The following MAP3K19 variants were observed in gnomAD, a reference collection of about 807,000 sequenced individuals.
MAP3K19 encodes SPS1/STE20-related protein kinase YSK4.
MAP3K19 carries 91 observed loss-of-function variants against 114.4 expected under a neutral mutation model. That is an observed-to-expected ratio of 0.80 (90% CI 0.67 to 0.95). The LOEUF (loss-of-function observed/expected upper bound fraction) is 0.95. MAP3K19 is among the 40% of genes least tolerant of loss of function. The probability of loss-of-function intolerance (pLI) is 0.00; values close to 1 mark genes in which losing one functional copy is unlikely to be tolerated. For missense variants in MAP3K19, 1,471 were observed against 1,573.2 expected (o/e 0.94, Z 1.10); for synonymous variants, 518 against 530.5 (o/e 0.98, Z 0.32).
chr2:134,989,413 C>A (rs572954862), intron 9 of MAP3K19, among the ~76,000 whole-genome samples: 1 of 152,236 alleles, frequency 6.6e-6, no homozygotes, highest in East Asian at 1.9e-4. Flanking sequence ...GGAAATGGAA[C>A]CTGACTCTAG....
Position 135,032,281 on chromosome 2 carries a change from C to T in MAP3K19, c.-283-1781G>A, listed in dbSNP as rs186889847. ...CTGAGGCAGGAGAATTGCTTGAAAC[C>T]AGGGGGCAGAGGTTGCAATGAGCTG... On this transcript the variant is annotated intron_variant, in intron 2 of 12. Transcript: ENST00000392915. 4.7e-5 allele frequency among the ~76,000 whole-genome samples: 7 copies of T among 150,132 alleles called. No individual in the cohort carries two copies. In the East Asian group the frequency reaches 1.4e-3, roughly 29 times the overall value.
chr2:135,019,583 T>G (rs755392757), intron 5 of MAP3K19, among the ~76,000 whole-genome samples: 2 of 152,184 alleles, frequency 1.3e-5, no homozygotes, highest in Non-Finnish European at 2.9e-5. Context: ...GCCTGGGAGA[T>G]TGAGGCTCCA....
chr2:134,984,036 C>T (rs1449589470), intron 10 of MAP3K19, among the ~76,000 whole-genome samples: 1 of 152,204 alleles, frequency 6.6e-6, no homozygotes, highest in Non-Finnish European at 1.5e-5. Flanking sequence ...TTTAAAACCA[C>T]ATCTTGCTCT....
At chr2:135,037,210 T>A (rs1474154377) in intron 2 of MAP3K19, among the ~76,000 whole-genome samples, 1 of 152,184 alleles carries the variant, frequency 6.6e-6, no homozygotes, top group African/African-American at 2.4e-5. Flanking sequence ...GTTGGCCAGG[T>A]TGGTCTCAAA....
At position 134,980,836 on chromosome 2, in the gene MAP3K19, C is replaced by A; in HGVS notation, c.3905G>T (p.Arg1302Leu). ...HFSENAADFV[R>L]MCLTRDQHER... is the part of the protein sequence containing the mutation. ...AGTTTCTTACCTGGTCAGGCACATG[C>A]GCACAAAGTCTGCTGCATTTTCTGA... The change falls in exon 12 of 13, where the codon CGC becomes CTC. Residue 1302 changes from arginine (R) to leucine (L), a missense_variant. Physicochemically the swap from Arg to Leu is moderately radical, Grantham distance 102. Transcript: ENST00000392915. 6.2e-7 allele frequency: 1 copy of A among 1,613,318 alleles called. No individual in the cohort carries two copies. Among genetic ancestry groups the A allele is most frequent in the South Asian group, 1.1e-5 (1 of 91,062 alleles).
At chr2:135,020,444 C>T (rs1421212031) in intron 5 of MAP3K19, among the ~76,000 whole-genome samples, 1 of 152,186 alleles carries the variant, frequency 6.6e-6, no homozygotes, top group Non-Finnish European at 1.5e-5. Context: ...CTCAGCCTCC[C>T]AAGTAGCTGC....
At position 134,981,453 on chromosome 2, in the gene MAP3K19, A is replaced by G; in HGVS notation, c.3288T>C (p.Ser1096=). Residue 1096 remains serine (S), a synonymous_variant, in exon 12 of 13, where the codon TCT becomes TCC. Coordinates refer to ENST00000392915, the MANE Select transcript of MAP3K19 (RefSeq NM_025052.5). ...ATTCCTTTTCAGCAGCTAATTTATT[A>G]GAGGTATCCAAAGCCACCTGTTTTA... ...IAVKQVALDT[S]NKLAAEKEYR... 1 of 1,614,258 alleles carries G rather than the reference A, an allele frequency of 6.2e-7. No individual in the cohort carries two copies. Among genetic ancestry groups the G allele is most frequent in the Non-Finnish European group, 8.5e-7 (1 of 1,180,048 alleles).
chr2:134,969,349 A>AGGGAGAGGGAGACCGTG (rs1683698287), intron 12 of MAP3K19, among the ~76,000 whole-genome samples: 1 of 151,856 alleles, frequency 6.6e-6, no homozygotes, highest in Non-Finnish European at 1.5e-5. Context: ...GTGGAAAGAG[A>AGGGAGAGGGAGACCGTG]GGGAGAGGGA....
At position 134,986,946 on chromosome 2, in the gene MAP3K19, T is replaced by C; in HGVS notation, c.1926A>G (p.Leu642=). 1 of 1,614,034 alleles carries C rather than the reference T, an allele frequency of 6.2e-7. No individual in the cohort carries two copies. Among genetic ancestry groups the C allele is most frequent in the Non-Finnish European group, 8.5e-7 (1 of 1,180,030 alleles). Residue 642 remains leucine (L), a synonymous_variant, in exon 10 of 13, where the codon CTA becomes CTG. Coordinates refer to ENST00000392915, the MANE Select transcript of MAP3K19 (RefSeq NM_025052.5). ...TGAACATATCACTATACTTAAGATC[T>C]AGGTAATTTAGTCTTGGCTCTGTCG... ...VQPTEPRLNY[L]DLKYSDMFKE...
At chr2:135,037,682 C>T (rs913085343) in intron 2 of MAP3K19, among the ~76,000 whole-genome samples, 8 of 152,106 alleles carry the variant, frequency 5.3e-5, no homozygotes, top group African/African-American at 1.9e-4. Flanking sequence ...AGTGAATGGC[C>T]TTGGAAGATA....
chr2:135,039,082 G>C (rs1688593230), intron 2 of MAP3K19, among the ~76,000 whole-genome samples: 1 of 151,110 alleles, frequency 6.6e-6, no homozygotes. Flanking sequence ...TTTTTGGCCT[G>C]GGTGTTGGGT....
In MAP3K19 at chr2:134,999,418, T is replaced by TA. The variant is rs1686273179; in HGVS notation, c.315-422dup. On this transcript the variant is annotated intron_variant, in intron 7 of 12. Transcript: ENST00000392915. This position sits in a 1 kb window ranked among gnomAD's most constrained non-coding sequence, Gnocchi z 4.1. The stretch of plus-strand genomic sequence containing the variant: ...TTTGTAAAATATAAATGAATTGCCA[T>TA]AAAAATGGAAGAAAAATAAAAGACA... 6.6e-6 allele frequency among the ~76,000 whole-genome samples: 1 copy of TA among 152,186 alleles called. No homozygotes were observed. Among genetic ancestry groups the TA allele is most frequent in the East Asian group, 1.9e-4 (1 of 5,200 alleles).
At chr2:134,969,607 C>T (rs951038143) in intron 12 of MAP3K19, among the ~76,000 whole-genome samples, 1 of 152,022 alleles carries the variant, frequency 6.6e-6, no homozygotes, top group African/African-American at 2.4e-5. Context: ...TTCAACAGGT[C>T]GTCTCTTCAC....
At chr2:135,040,587 G>C (rs990038164) in intron 1 of MAP3K19, 85 bp from the exon 2 acceptor site, 5 of 152,538 alleles carry the variant, frequency 3.3e-5, no homozygotes, top group African/African-American at 1.2e-4. Flanking sequence ...AATTATATGA[G>C]AGCCAGCAAA....
intron 12 of MAP3K19, among the ~76,000 whole-genome samples, chr2:134,980,151 ACT>A (rs1205301752): frequency 2.6e-5 from 4 of 152,040 alleles, no homozygotes; most frequent in Admixed American, 1.3e-4. Context: ...CTACTCCTTA[ACT>A]CTTCCCCGCC....
chr2:134,984,758 C>G (rs920988182), intron 10 of MAP3K19, among the ~76,000 whole-genome samples: 2 of 152,142 alleles, frequency 1.3e-5, no homozygotes, highest in South Asian at 4.1e-4. Flanking sequence ...CCAAGACCAG[C>G]CTGGCCAAGA....
intron 12 of MAP3K19, among the ~76,000 whole-genome samples, chr2:134,972,004 A>C (rs191105460): frequency 2.2e-3 from 327 of 152,018 alleles, no homozygotes; most frequent in African/African-American, 7.5e-3. Context: ...GGTACATGAG[A>C]TGTTTTGATA....
chr2:135,043,306 T>C (rs538384187), intron 1 of MAP3K19, among the ~76,000 whole-genome samples: 1 of 152,276 alleles, frequency 6.6e-6, no homozygotes, highest in African/African-American at 2.4e-5. Flanking sequence ...TTCAAAGAAA[T>C]GGTGGCCTTA....
intron 12 of MAP3K19, among the ~76,000 whole-genome samples, chr2:134,968,967 C>T (rs1428104088): frequency 3.3e-5 from 5 of 152,180 alleles, no homozygotes; most frequent in African/African-American, 1.2e-4. Context: ...GCAGAGGCTG[C>T]AATCTGGGCA....
Sources: gnomAD v4.1 joint callset for allele counts (sites outside exome capture counted in the v4.1 genomes callset) on GRCh38, gnomAD v4.1.1 for gene constraint, Gnocchi (gnomAD v3.1) non-coding constraint, MANE v1.5 for transcripts, NCBI Gene and HGNC (gene_info 2026-07-23, HGNC 2026-07-21) for gene names.